Variants in CSMD1 observed in about 807,000 individuals in gnomAD.
The protein encoded by CSMD1 is CUB and sushi domain-containing protein 1.
Under a neutral mutation model 417.5 loss-of-function variants are expected in CSMD1, and 213 were observed. The ratio of observed to expected loss-of-function variants is 0.51; its 90% CI spans 0.46 to 0.57. The LOEUF is 0.57. CSMD1 is among the 20% of genes least tolerant of loss of function. The pLI, the probability that CSMD1 is intolerant of heterozygous loss-of-function variation, is 0.00. For synonymous variants in CSMD1, 2,862 were observed against 1,736.8 expected, an observed-to-expected ratio of 1.65 and a Z score of -16.11; for missense variants, 6,923 against 4,529.7, an observed-to-expected ratio of 1.53 and a Z score of -15.17.
chr8:4,609,808 A>G (rs1323294039), intron 2 of CSMD1, among the ~76,000 whole-genome samples: 3 of 152,194 alleles, frequency 2.0e-5, no homozygotes, highest in Admixed American at 1.3e-4. Flanking sequence ...TGGTGAGAAT[A>G]TACGATAAAA....
At chr8:4,372,249 G>C (rs538976349) in intron 3 of CSMD1, among the ~76,000 whole-genome samples, 1 of 152,268 alleles carries the variant, frequency 6.6e-6, no homozygotes, top group Non-Finnish European at 1.5e-5. Flanking sequence ...ATGAAGTAAA[G>C]ATACATAACG....
At chr8:3,002,280 G>T (rs1807472112) in intron 52 of CSMD1, among the ~76,000 whole-genome samples, 1 of 152,212 alleles carries the variant, frequency 6.6e-6, no homozygotes, top group Admixed American at 6.5e-5. Context: ...TGTCTCTGAA[G>T]GTTCCCCTTT....
At chr8:3,313,517 A>G (rs1240715883) in intron 23 of CSMD1, among the ~76,000 whole-genome samples, 1 of 152,248 alleles carries the variant, frequency 6.6e-6, no homozygotes, top group Admixed American at 6.5e-5. Flanking sequence ...AAAAATGCTC[A>G]TCATCACTGG....
At chr8:3,144,794 A>AGGGG (rs1308064297) in intron 40 of CSMD1, among the ~76,000 whole-genome samples, 4 of 27,582 alleles carry the variant, frequency 1.5e-4, no homozygotes, top group African/African-American at 5.2e-4. Flanking sequence ...AGAGGCAACA[A>AGGGG]GGGGGGGGGG....
intron 5 of CSMD1, among the ~76,000 whole-genome samples, chr8:3,988,237 C>A (rs1242005578): frequency 2.6e-5 from 4 of 152,086 alleles, no homozygotes; most frequent in African/African-American, 9.7e-5. Flanking sequence ...CAATATTGAA[C>A]CTCGGCTTTC....
chr8:4,547,454 A>T (rs978510463), intron 2 of CSMD1, among the ~76,000 whole-genome samples: 3 of 152,206 alleles, frequency 2.0e-5, no homozygotes, highest in African/African-American at 7.2e-5. Context: ...AAAAGAAAAA[A>T]AGAAACTTTC....
chr8:4,238,791 G>A lies in CSMD1; in HGVS notation c.415+181162C>T, dbSNP rs569721684. Among the ~76,000 whole-genome samples, 3 of 152,230 alleles carry A rather than the reference G, an allele frequency of 2.0e-5. No homozygotes were observed. In the East Asian group the frequency reaches 5.8e-4, roughly 29 times the overall value. ...TCCCAGTTGGGTAAAGAAGACTTAG[G>A]CAGTAACTTTTGTAAATGCTTTGGC... On this transcript the variant is annotated intron_variant, in intron 3 of 69. Transcript: ENST00000635120.
intron 3 of CSMD1, among the ~76,000 whole-genome samples, chr8:4,121,142 T>C: frequency 6.6e-6 from 1 of 152,088 alleles, no homozygotes; most frequent in East Asian, 1.9e-4. Context: ...TTGGGCAGAG[T>C]CTCACTCTGT....
intron 1 of CSMD1, among the ~76,000 whole-genome samples, chr8:4,977,612 G>A (rs57987334): frequency 0.017 from 2,557 of 152,248 alleles, 60 homozygotes; most frequent in African/African-American, 0.058. Context: ...TCCTGAACAC[G>A]CACCCACCCA....
chr8:3,555,926 A>T (rs969989270), intron 10 of CSMD1, among the ~76,000 whole-genome samples: 2 of 152,196 alleles, frequency 1.3e-5, no homozygotes, highest in African/African-American at 4.8e-5. Flanking sequence ...AACAGCTCCC[A>T]GAAAGCAAAT....
rs142683862 is a variant in CSMD1 at position 4,355,867 on chromosome 8, C to A, written c.415+64086G>T. 5.2e-3 allele frequency among the ~76,000 whole-genome samples: 794 copies of A among 152,332 alleles called. 5 individuals are homozygous for A. The highest frequency in any genetic ancestry group is 0.011 in the South Asian group (55 of 4,828). ...GTAGAGGAGCTTTGGAGGATGGGAA[C>A]CAGGCCTTGCCATTTAAACAGCGCA... On this transcript the variant is annotated intron_variant, in intron 3 of 69. Transcript: ENST00000635120.
rs576577392 is a variant in CSMD1, at chr8:3,898,175, G to A, written c.818+99728C>T. ...AGTCAACTATAAGCCATCAATCCCT[G>A]CAAGCCATCCAGCAACAAGCTTATG... On this transcript the variant is annotated intron_variant, in intron 5 of 69. Transcript: ENST00000635120. 2.4e-3 allele frequency among the ~76,000 whole-genome samples: 358 copies of A among 152,152 alleles called. 2 individuals are homozygous for A. The highest frequency in any genetic ancestry group is 8.2e-3 in the African/African-American group (340 of 41,506).
At chr8:3,003,418 G>A (rs1334130005) in intron 52 of CSMD1, among the ~76,000 whole-genome samples, 3 of 152,176 alleles carry the variant, frequency 2.0e-5, no homozygotes, top group East Asian at 3.9e-4. Flanking sequence ...AGGATGAAAT[G>A]TAATCAAGTT....
At chr8:4,970,994 G>T (rs377608205) in intron 1 of CSMD1, among the ~76,000 whole-genome samples, 1 of 152,002 alleles carries the variant, frequency 6.6e-6, no homozygotes. Context: ...GTTATTTATG[G>T]TCCTTTGTAG....
chr8:4,356,546 AAT>A (rs1274264681), intron 3 of CSMD1, among the ~76,000 whole-genome samples: 2 of 152,124 alleles, frequency 1.3e-5, no homozygotes, highest in African/African-American at 4.8e-5. Flanking sequence ...GAGTATTTTA[AAT>A]ATGTTTCATT....
At chr8:4,420,133 G>C in intron 2 of CSMD1, 68 bp from the exon 3 acceptor site, 1 of 1,073,488 alleles carries the variant, frequency 9.3e-7, no homozygotes, top group Admixed American at 2.0e-5. Context: ...CTTATTTGAT[G>C]AAGTCACTGA....
intron 50 of CSMD1, among the ~76,000 whole-genome samples, chr8:3,039,892 C>T (rs182245579): frequency 6.6e-6 from 1 of 152,266 alleles, no homozygotes; most frequent in Admixed American, 6.5e-5. Context: ...CAATATCAAA[C>T]CAAACGTGTT....
At chr8:3,925,757 G>T (rs529149245) in intron 5 of CSMD1, among the ~76,000 whole-genome samples, 1 of 152,040 alleles carries the variant, frequency 6.6e-6, no homozygotes, top group Non-Finnish European at 1.5e-5. Context: ...ATGTGGAACT[G>T]TAAGTCCCAT....
At chr8:3,740,748 A>G (rs1584929911) in intron 6 of CSMD1, among the ~76,000 whole-genome samples, 1 of 152,198 alleles carries the variant, frequency 6.6e-6, no homozygotes, top group African/African-American at 2.4e-5. Flanking sequence ...CTAGTTCCAC[A>G]AAGGAAAGCA....
Sources: gnomAD v4.1 joint callset for allele counts (sites outside exome capture counted in the v4.1 genomes callset) on GRCh38, gnomAD v4.1.1 for gene constraint, MANE v1.5 for transcripts, NCBI Gene and HGNC (gene_info 2026-07-23, HGNC 2026-07-21) for gene names.